Variants in CYB5B observed in about 807,000 individuals in gnomAD.
The protein encoded by CYB5B is cytochrome b5 type B, also known as cytochrome b5 type B (outer mitochondrial membrane).
CYB5B carries 14 observed loss-of-function variants against 21.3 expected under a neutral mutation model. The ratio of observed to expected loss-of-function variants is 0.66; its 90% CI spans 0.43 to 1.03. CYB5B has a LOEUF of 1.03. Among genes scored for constraint, CYB5B ranks in the 50% least tolerant of loss-of-function variants. CYB5B has a pLI of 0.00. For missense variants in CYB5B, 166 were observed against 185.1 expected, an observed-to-expected ratio of 0.90 and a Z score of 0.60; for synonymous variants, 69 against 68.4, an observed-to-expected ratio of 1.01 and a Z score of -0.04.
At chr16:69,428,313 G>A (rs1379342611) in intron 1 of CYB5B, among the ~76,000 whole-genome samples, 2 of 152,120 alleles carry the variant, frequency 1.3e-5, no homozygotes, top group African/African-American at 4.8e-5. Context: ...GATAAGCAGA[G>A]TAAATAACTA....
At chr16:69,439,075 A>T (rs565689351) in intron 1 of CYB5B, among the ~76,000 whole-genome samples, 1 of 152,130 alleles carries the variant, frequency 6.6e-6, no homozygotes, top group African/African-American at 2.4e-5. Context: ...TAAGAGTTTT[A>T]TGATTTTAGC....
intron 3 of CYB5B, among the ~76,000 whole-genome samples, chr16:69,457,990 A>G (rs918333312): frequency 2.0e-5 from 3 of 152,178 alleles, no homozygotes; most frequent in African/African-American, 4.8e-5. Flanking sequence ...ACATTTTGCA[A>G]AGATGGTATT....
chr16:69,442,267 A>G (rs745784084), intron 1 of CYB5B, among the ~76,000 whole-genome samples: 6 of 152,064 alleles, frequency 3.9e-5, no homozygotes, highest in South Asian at 2.1e-4. Flanking sequence ...TTTTTCAAAG[A>G]TTGAATTTTT....
At chr16:69,450,245 A>G (rs1451311415) in intron 3 of CYB5B, 1 of 151,240 alleles carries the variant, frequency 6.6e-6, no homozygotes, top group Non-Finnish European at 1.5e-5. Flanking sequence ...AAAAAACCCA[A>G]AAAACTATTG....
intron 1 of CYB5B, chr16:69,444,107 A>G (rs115517819): frequency 2.6e-5 from 4 of 153,374 alleles, no homozygotes; most frequent in African/African-American, 9.6e-5. Flanking sequence ...TGTAATTTCC[A>G]TTTTCACTGA....
intron 1 of CYB5B, 28 bp downstream of exon 1, chr16:69,424,885 G>A (rs774786462): frequency 4.6e-6 from 7 of 1,529,430 alleles, no homozygotes; most frequent in Non-Finnish European, 5.3e-6. Flanking sequence ...GGAGGCCTCT[G>A]AAGCTGCTGG....
intron 4 of CYB5B, 53 bp downstream of exon 4, chr16:69,459,174 G>T (rs1289955373): frequency 3.2e-6 from 5 of 1,578,634 alleles, no homozygotes; most frequent in African/African-American, 2.8e-5. Flanking sequence ...TCTGGCAAGA[G>T]ACTCTTCCAT....
Position 69,447,258 on chromosome 16 carries a change from T to C in CYB5B, c.283T>C (p.Tyr95His), listed in dbSNP as rs776642532. ...TGCCAGAGAAATGCTAAAGCAGTAC[T>C]ACATTGGTGATATCCATCCGGTAAG... is the stretch of plus-strand genomic sequence containing the variant. ...SDAREMLKQY[Y>H]IGDIHPSDLK... The change falls in exon 2 of 5, where the codon TAC becomes CAC. Residue 95 changes from tyrosine to histidine, a missense_variant. By Grantham distance (83) the Tyr-to-His change is moderately conservative. Transcript: ENST00000307892. The C allele has an allele frequency of 1.7e-5, 28 of 1,613,960 alleles. No homozygotes were observed. Among genetic ancestry groups the C allele is most frequent in the Non-Finnish European group, 2.4e-5 (28 of 1,179,980 alleles).
chr16:69,453,867 A>G (rs924962291), intron 3 of CYB5B, among the ~76,000 whole-genome samples: 2 of 152,122 alleles, frequency 1.3e-5, no homozygotes, highest in African/African-American at 2.4e-5. Flanking sequence ...CACCTGGCTT[A>G]TTTCCCATTT....
rs2015076114 is a variant in CYB5B at position 69,465,149 on chromosome 16, C to T, written c.*2629C>T. 2 of 153,926 alleles carry T rather than the reference C, an allele frequency of 1.3e-5. No individual in the cohort carries two copies. Among genetic ancestry groups the T allele is most frequent in the African/African-American group, 4.8e-5 (2 of 41,488 alleles). The allele number at this position is 153,926 out of a possible 1,614,324, so 9.5% of individuals were successfully genotyped here. A position where few individuals can be genotyped will look rare whatever the true frequency, so the allele number is the denominator to read the frequency against. On this transcript the variant is annotated 3_prime_UTR_variant, in exon 5 of 5. Coordinates refer to ENST00000307892, the MANE Select transcript of CYB5B (RefSeq NM_030579.3). Reference sequence around the variant, plus strand: ...AGTCCCCATTGGCTGACAGTGCCACCTGGAGCTGGTCTCTGGGGTGTTCGG... The same window carrying T: ...AGTCCCCATTGGCTGACAGTGCCACTTGGAGCTGGTCTCTGGGGTGTTCGG...
At position 69,462,511 on chromosome 16, in the gene CYB5B, A is replaced by G; in HGVS notation, c.444A>G (p.Lys148=). The G allele has an allele frequency of 6.2e-7, 1 of 1,613,894 alleles. No homozygotes were observed. The highest frequency in any genetic ancestry group is 8.5e-7 in the Non-Finnish European group (1 of 1,179,852). ...FLYRYYTSES[K]SS ...ACCGCTACTACACATCGGAAAGCAA[A>G]TCCTCCTGAGGAGGCCTTGCTGAAG... The change falls in exon 5 of 5, where the codon AAA becomes AAG. Residue 148 remains lysine (K), a synonymous_variant. Coordinates refer to ENST00000307892, the MANE Select transcript of CYB5B (RefSeq NM_030579.3).
intron 3 of CYB5B, among the ~76,000 whole-genome samples, chr16:69,455,923 C>T (rs1051649230): frequency 6.6e-6 from 1 of 152,068 alleles, no homozygotes; most frequent in African/African-American, 2.4e-5. Flanking sequence ...ATGTCCTTGG[C>T]TCAGAAAATT....
At chr16:69,448,337 A>C in intron 3 of CYB5B, 193 bp downstream of exon 3, 1 of 626,130 alleles carries the variant, frequency 1.6e-6, no homozygotes, top group Middle Eastern at 4.5e-4. Flanking sequence ...GAACAGTAGG[A>C]AACATTTTGC....
At chr16:69,453,238 C>T (rs908601046) in intron 3 of CYB5B, among the ~76,000 whole-genome samples, 5 of 151,970 alleles carry the variant, frequency 3.3e-5, no homozygotes, top group Non-Finnish European at 2.9e-5. Flanking sequence ...TTTAAAGTTA[C>T]ATTTTTTCTC....
At chr16:69,454,054 G>A (rs2014960217) in intron 3 of CYB5B, among the ~76,000 whole-genome samples, 1 of 152,040 alleles carries the variant, frequency 6.6e-6, no homozygotes, top group Admixed American at 6.5e-5. Flanking sequence ...GGTTCAGAAG[G>A]GTAAGGAAAC....
At chr16:69,453,273 A>T (rs1297023774) in intron 3 of CYB5B, among the ~76,000 whole-genome samples, 1 of 152,172 alleles carries the variant, frequency 6.6e-6, no homozygotes, top group Non-Finnish European at 1.5e-5. Context: ...CTTTTATTAT[A>T]CATACAGTTT....
At chr16:69,432,508 C>A (rs926855569) in intron 1 of CYB5B, among the ~76,000 whole-genome samples, 1 of 152,044 alleles carries the variant, frequency 6.6e-6, no homozygotes, top group Non-Finnish European at 1.5e-5. Flanking sequence ...CTACATCTTC[C>A]GTGCATATAC....
chr16:69,431,437 A>G (rs979025153), intron 1 of CYB5B, among the ~76,000 whole-genome samples: 14 of 152,142 alleles, frequency 9.2e-5, no homozygotes, highest in Non-Finnish European at 1.9e-4. Flanking sequence ...AAACATAAAC[A>G]TGGAACCCCA....
intron 1 of CYB5B, among the ~76,000 whole-genome samples, chr16:69,431,672 A>T (rs1346618110): frequency 1.3e-5 from 2 of 152,076 alleles, no homozygotes; most frequent in East Asian, 3.9e-4. Flanking sequence ...CTCAGGAGGC[A>T]GGGGTGGGAG....
Sources: allele counts gnomAD v4.1 joint callset (sites outside exome capture counted in the v4.1 genomes callset), GRCh38; gene constraint gnomAD v4.1.1; transcripts MANE v1.5; gene names NCBI Gene and HGNC (gene_info 2026-07-23, HGNC 2026-07-21).